Variants in CCN4 observed in about 807,000 individuals in gnomAD.
CCN4 encodes the protein CCN family member 4.
Under a neutral mutation model 36.7 loss-of-function variants are expected in CCN4, and 30 were observed. The observed-to-expected ratio is 0.82, with a 90% CI of 0.61 to 1.11. The LOEUF is 1.11. Ranked by LOEUF, CCN4 falls within the 50% of genes least tolerant of loss-of-function variation. The pLI, the probability that CCN4 is intolerant of heterozygous loss-of-function variation, is 0.00. For missense variants in CCN4, 505 were observed against 504.9 expected, an observed-to-expected ratio of 1.00 and a Z score of 0.00; for synonymous variants, 191 against 195.4, an observed-to-expected ratio of 0.98 and a Z score of 0.19.
rs1470111772 is a variant in CCN4 at position 133,231,448 on chromosome 8, C to T, written c.*3738C>T. The T allele has an allele frequency of 6.6e-6, 1 of 152,182 alleles. No individual in the cohort carries two copies. The highest frequency in any genetic ancestry group is 1.5e-5 in the Non-Finnish European group (1 of 68,026). 9.4% of individuals were successfully genotyped at this position (152,182 alleles called of 1,614,324 possible). ...ATTTTCCAATAGAGGAAAAATAACA[C>T]TTGGGCAATCTGTCATGTTTCACAA... is the stretch of plus-strand genomic sequence containing the variant. On this transcript the variant is annotated 3_prime_UTR_variant, in exon 5 of 5. Coordinates refer to ENST00000250160, the MANE Select transcript of CCN4 (RefSeq NM_003882.4).
intron 1 of CCN4, among the ~76,000 whole-genome samples, chr8:133,196,865 CA>C (rs1322356753): frequency 6.6e-6 from 1 of 152,126 alleles, no homozygotes; most frequent in Non-Finnish European, 1.5e-5. Context: ...AGGCCCTATC[CA>C]ATGAGCAGGG....
intron 3 of CCN4, among the ~76,000 whole-genome samples, chr8:133,225,037 A>T (rs1854677576): frequency 6.6e-6 from 1 of 152,086 alleles, no homozygotes; most frequent in East Asian, 1.9e-4. Flanking sequence ...CCGCACAGGC[A>T]GGTGTTATTG....
In CCN4 at chr8:133,212,859, C is replaced by G. The variant is rs779719054; in HGVS notation, c.70-5C>G. 7.0e-6 allele frequency: 11 copies of G among 1,568,334 alleles called. No individual in the cohort carries two copies. In the East Asian group the frequency reaches 1.8e-4, roughly 26 times the overall value. ...CCCCCCTTTCCCTCTGCCCTCCCCCCGCAGGCCCTCTCTCCAGCCCCTACG... is the reference window on the plus strand; with the variant it reads ...CCCCCCTTTCCCTCTGCCCTCCCCCGGCAGGCCCTCTCTCCAGCCCCTACG... On this transcript the variant is annotated splice_region_variant and splice_polypyrimidine_tract_variant and intron_variant, in intron 1 of 4. Transcript: ENST00000250160.
chr8:133,229,681 C>T lies in CCN4; in HGVS notation c.*1971C>T, dbSNP rs745918700. 6.6e-5 allele frequency: 10 copies of T among 152,230 alleles called. No homozygotes were observed. The highest frequency in any genetic ancestry group is 1.3e-4 in the Non-Finnish European group (9 of 68,042). The allele number at this position is 152,230 out of a possible 1,614,324, so 9.4% of individuals were successfully genotyped here. A position where few individuals can be genotyped will look rare whatever the true frequency, so the allele number is the denominator to read the frequency against. ...GGTATACAGTGGTGCTCATTAAATA[C>T]TTGATGAATACAGGAAGCTGTGCAT... On this transcript the variant is annotated 3_prime_UTR_variant, in exon 5 of 5. Coordinates refer to ENST00000250160, the MANE Select transcript of CCN4 (RefSeq NM_003882.4).
chr8:133,204,695 T>C (rs905005792), intron 1 of CCN4, among the ~76,000 whole-genome samples: 1 of 152,212 alleles, frequency 6.6e-6, no homozygotes, highest in Non-Finnish European at 1.5e-5. Context: ...GCTGGAACTA[T>C]AGGCATGTGC....
At chr8:133,215,984 TACACACAC>T (rs35957025) in intron 2 of CCN4, among the ~76,000 whole-genome samples, 2 of 149,358 alleles carry the variant, frequency 1.3e-5, no homozygotes, top group Non-Finnish European at 3.0e-5. Context: ...CCCATTACAC[TACACACAC>T]ACACACACAC....
chr8:133,223,930 G>GCAT (rs1854626740), intron 3 of CCN4, among the ~76,000 whole-genome samples: 1 of 152,168 alleles, frequency 6.6e-6, no homozygotes, highest in Non-Finnish European at 1.5e-5. Flanking sequence ...GGAGATACAT[G>GCAT]CATCAATAGG....
intron 1 of CCN4, among the ~76,000 whole-genome samples, chr8:133,191,534 G>A (rs192311739): frequency 1.3e-5 from 2 of 152,284 alleles, no homozygotes; most frequent in African/African-American, 2.4e-5. Context: ...CTCCAGACCC[G>A]TCTTCGCCTA....
intron 1 of CCN4, among the ~76,000 whole-genome samples, chr8:133,201,337 A>G (rs1199229469): frequency 6.6e-6 from 1 of 152,162 alleles, no homozygotes; most frequent in Non-Finnish European, 1.5e-5. Flanking sequence ...ATTCAAAGAA[A>G]CCATCTGTTA....
chr8:133,220,487 T>C, intron 2 of CCN4, 94 bp from the exon 3 acceptor site: 1 of 1,527,040 alleles, frequency 6.5e-7, no homozygotes, highest in South Asian at 1.2e-5. Context: ...ATCCCCGGGA[T>C]TGGGGCATGG....
intron 1 of CCN4, among the ~76,000 whole-genome samples, chr8:133,195,511 T>C (rs1043361247): frequency 1.3e-5 from 2 of 152,008 alleles, no homozygotes; most frequent in African/African-American, 4.8e-5. Context: ...TCAAACCCCA[T>C]CCAGGCCCCA....
chr8:133,207,741 T>C (rs562922314), intron 1 of CCN4, among the ~76,000 whole-genome samples: 1 of 152,278 alleles, frequency 6.6e-6, no homozygotes, highest in East Asian at 1.9e-4. Flanking sequence ...GGTATGTTGA[T>C]TATAAGGGCC....
chr8:133,194,228 G>C (rs1037658829), intron 1 of CCN4, among the ~76,000 whole-genome samples: 33 of 151,380 alleles, frequency 2.2e-4, no homozygotes, highest in African/African-American at 6.1e-4. Flanking sequence ...TGTGTGTGTG[G>C]GGTGGGGTGT....
chr8:133,194,496 G>T, intron 1 of CCN4, among the ~76,000 whole-genome samples: 1 of 104,420 alleles, frequency 9.6e-6, no homozygotes, highest in Non-Finnish European at 1.9e-5. Context: ...GGGGTGTGGT[G>T]TGTGTGGAAC....
At position 133,225,457 on chromosome 8, in the gene CCN4, C is replaced by T. The variant is rs1312457366; in HGVS notation, c.678C>T (p.Cys226=). The change falls in exon 4 of 5, where the codon TGC becomes TGT. Residue 226 remains cysteine, a synonymous_variant. Coordinates refer to ENST00000250160, the MANE Select transcript of CCN4 (RefSeq NM_003882.4). ...CIAYTSPWSP[C]STSCGLGVST... is the part of the protein sequence containing the mutation. ...CCTACACAAGCCCCTGGAGCCCTTGCTCCACCAGCTGCGGCCTGGGGGTCT... is the reference window on the plus strand; with the variant it reads ...CCTACACAAGCCCCTGGAGCCCTTGTTCCACCAGCTGCGGCCTGGGGGTCT... 6.2e-7 allele frequency: 1 copy of T among 1,614,122 alleles called. No homozygotes were observed. The highest frequency in any genetic ancestry group is 8.5e-7 in the Non-Finnish European group (1 of 1,179,998).
chr8:133,197,527 C>A (rs972391452), intron 1 of CCN4, among the ~76,000 whole-genome samples: 4 of 152,166 alleles, frequency 2.6e-5, no homozygotes, highest in East Asian at 1.9e-4. Context: ...AGTCTCCCCC[C>A]CAGCTCTGAC....
chr8:133,196,181 GC>G (rs1243579942), intron 1 of CCN4, among the ~76,000 whole-genome samples: 6 of 152,190 alleles, frequency 3.9e-5, no homozygotes, highest in Middle Eastern at 3.2e-3. Flanking sequence ...TGGGCACAGT[GC>G]CCTTTTGCAC....
intron 1 of CCN4, among the ~76,000 whole-genome samples, chr8:133,203,221 G>A (rs1332690940): frequency 1.3e-5 from 2 of 152,230 alleles, no homozygotes; most frequent in African/African-American, 4.8e-5. Context: ...CCGTCCCTGA[G>A]AATCCCCACA....
intron 2 of CCN4, among the ~76,000 whole-genome samples, chr8:133,213,542 A>G (rs557874855): frequency 6.6e-6 from 1 of 152,036 alleles, no homozygotes; most frequent in South Asian, 2.1e-4. Context: ...TAAATTAAAA[A>G]ATATGGTTTT....
Sources: gnomAD v4.1 joint callset for allele counts (sites outside exome capture counted in the v4.1 genomes callset) on GRCh38, gnomAD v4.1.1 for gene constraint, MANE v1.5 for transcripts, NCBI Gene and HGNC (gene_info 2026-07-23, HGNC 2026-07-21) for gene names.